Variants in SLC24A3 observed in about 807,000 individuals in gnomAD.
The protein encoded by SLC24A3 is sodium/potassium/calcium exchanger 3.
A neutral mutation model predicts 75.8 loss-of-function variants in SLC24A3; 28 were observed. That is an observed-to-expected ratio of 0.37 (90% CI 0.27 to 0.51). SLC24A3 has a LOEUF of 0.51. Ranked by LOEUF, SLC24A3 falls within the 20% of genes least tolerant of loss-of-function variation. The pLI is 0.94. For synonymous variants in SLC24A3, 372 were observed against 334.1 expected, an observed-to-expected ratio of 1.11 and a Z score of -1.24; for missense variants, 663 against 847.8, an observed-to-expected ratio of 0.78 and a Z score of 2.71.
intron 1 of SLC24A3, among the ~76,000 whole-genome samples, chr20:19,266,215 GAT>G (rs769390309): frequency 6.6e-5 from 10 of 152,276 alleles, no homozygotes; most frequent in Non-Finnish European, 1.2e-4. Context: ...ATCATACATA[GAT>G]AACTGCAATG....
chr20:19,468,673 G>T (rs6046115), intron 2 of SLC24A3, among the ~76,000 whole-genome samples: 81,662 of 151,974 alleles, frequency 0.54, 22,110 homozygotes, highest in Non-Finnish European at 0.56. Flanking sequence ...GGTGCCCGTT[G>T]GAGCTTCCAT....
chr20:19,401,873 T>C (rs930424573), intron 2 of SLC24A3, among the ~76,000 whole-genome samples: 3 of 152,232 alleles, frequency 2.0e-5, no homozygotes, highest in Admixed American at 6.5e-5. Context: ...ACTCGTGGGA[T>C]TGAGCTCCAG....
rs62200367 is a variant in SLC24A3 at position 19,346,126 on chromosome 20, A to G, written c.271+65039A>G. Among the ~76,000 whole-genome samples the G allele has an allele frequency of 2.8e-4, 28 of 98,926 alleles. 7 individuals carry two copies. The highest frequency in any genetic ancestry group is 9.6e-4 in the African/African-American group (25 of 25,970). The allele number at this position is 98,926 out of a possible 152,430, so 64.9% of individuals were successfully genotyped here. A position where few individuals can be genotyped will look rare whatever the true frequency, so the allele number is the denominator to read the frequency against. ...ATATATATGGTGTGTGTGTGTGTGT[A>G]TATATATATATGGTGTGTGTATATA... is the stretch of plus-strand genomic sequence containing the variant. On this transcript the variant is annotated intron_variant, in intron 2 of 16. Coordinates refer to ENST00000328041, the MANE Select transcript of SLC24A3 (RefSeq NM_020689.4).
chr20:19,583,798 C>T lies in SLC24A3; in HGVS notation c.424-1173C>T, dbSNP rs114753253. ...GGAGTGCTTGGGCACCCCTCACAGCCACACCTTGCAACTTTGCGCTATCTG... is the reference window on the plus strand; with the variant it reads ...GGAGTGCTTGGGCACCCCTCACAGCTACACCTTGCAACTTTGCGCTATCTG... On this transcript the variant is annotated intron_variant, in intron 4 of 16. Transcript: ENST00000328041. Among the ~76,000 whole-genome samples the T allele has an allele frequency of 2.3e-3, 345 of 152,280 alleles. 1 individual carries two copies. Among genetic ancestry groups the T allele is most frequent in the African/African-American group, 7.9e-3 (330 of 41,576 alleles).
chr20:19,461,583 A>T (rs1987676995), intron 2 of SLC24A3, among the ~76,000 whole-genome samples: 1 of 129,028 alleles, frequency 7.8e-6, no homozygotes, highest in Admixed American at 9.8e-5. Context: ...CCCAGGCTAG[A>T]GTGCAGTGGC....
At chr20:19,630,753 G>A (rs1314112319) in intron 6 of SLC24A3, among the ~76,000 whole-genome samples, 1 of 152,152 alleles carries the variant, frequency 6.6e-6, no homozygotes, top group African/African-American at 2.4e-5. Context: ...TTTTTAAAGT[G>A]TCTATACTGG....
At chr20:19,280,333 G>A (rs191390879) in intron 1 of SLC24A3, among the ~76,000 whole-genome samples, 23 of 152,226 alleles carry the variant, frequency 1.5e-4, no homozygotes, top group African/African-American at 4.8e-4. Flanking sequence ...TATGCTTTGG[G>A]GATGGCAAAT....
chr20:19,247,922 C>G (rs1431426403), intron 1 of SLC24A3, among the ~76,000 whole-genome samples: 3 of 152,184 alleles, frequency 2.0e-5, no homozygotes, highest in East Asian at 3.9e-4. Flanking sequence ...TTAATTTTCT[C>G]TCAGCCTCAG....
At chr20:19,273,100 T>C (rs1006709146) in intron 1 of SLC24A3, among the ~76,000 whole-genome samples, 1 of 152,230 alleles carries the variant, frequency 6.6e-6, no homozygotes, top group African/African-American at 2.4e-5. Context: ...TTTGGACTTC[T>C]GGCTCAGGGC....
chr20:19,550,428 A>G (rs908330606), intron 3 of SLC24A3, among the ~76,000 whole-genome samples: 3 of 152,334 alleles, frequency 2.0e-5, no homozygotes, highest in South Asian at 4.1e-4. Flanking sequence ...GGGAGACCCA[A>G]TGAGAGAGGC....
chr20:19,581,401 G>A, intron 4 of SLC24A3, among the ~76,000 whole-genome samples: 1 of 152,298 alleles, frequency 6.6e-6, no homozygotes, highest in South Asian at 2.1e-4. Context: ...GGAAATGTCA[G>A]TACAGTTGTC....
chr20:19,344,649 C>G (rs892645288), intron 2 of SLC24A3, among the ~76,000 whole-genome samples: 12 of 152,162 alleles, frequency 7.9e-5, no homozygotes, highest in Admixed American at 6.5e-5. Context: ...ACAGGCTTGT[C>G]TCCCAAAATA....
intron 1 of SLC24A3, among the ~76,000 whole-genome samples, chr20:19,255,919 A>AC (rs887511982): frequency 6.6e-6 from 1 of 151,998 alleles, no homozygotes; most frequent in Non-Finnish European, 1.5e-5. Flanking sequence ...ACATAGTGAG[A>AC]CCCCATCTCT....
chr20:19,377,391 T>C (rs1197937071), intron 2 of SLC24A3, among the ~76,000 whole-genome samples: 2 of 152,172 alleles, frequency 1.3e-5, no homozygotes, highest in Non-Finnish European at 2.9e-5. Flanking sequence ...AGTAGCATAA[T>C]AGCAGCATGA....
chr20:19,642,756 A>G (rs1441835777), intron 6 of SLC24A3, among the ~76,000 whole-genome samples: 1 of 152,196 alleles, frequency 6.6e-6, no homozygotes, highest in Non-Finnish European at 1.5e-5. Flanking sequence ...GTTTTTGACT[A>G]AAAAATATTC....
In SLC24A3 at chr20:19,522,006, C is replaced by T. The variant is rs537276305; in HGVS notation, c.348+6442C>T. Reference sequence around the variant, plus strand: ...CTCTCCATTTGTAGGCCATCAGTGTCTAGCAGACCTTCCCCAGCTGTCCAG... The same window carrying T: ...CTCTCCATTTGTAGGCCATCAGTGTTTAGCAGACCTTCCCCAGCTGTCCAG... On this transcript the variant is annotated intron_variant, in intron 3 of 16. Transcript: ENST00000328041. 3.3e-5 allele frequency among the ~76,000 whole-genome samples: 5 copies of T among 152,232 alleles called. No homozygotes were observed. In the South Asian group the frequency reaches 1.0e-3, roughly 32 times the overall value.
At chr20:19,520,016 C>T (rs2030070800) in intron 3 of SLC24A3, among the ~76,000 whole-genome samples, 1 of 152,190 alleles carries the variant, frequency 6.6e-6, no homozygotes, top group South Asian at 2.1e-4. Flanking sequence ...AGCTTTGAGC[C>T]TTGCTTTCCG....
At chr20:19,630,448 G>A (rs191691011) in intron 6 of SLC24A3, among the ~76,000 whole-genome samples, 8 of 152,248 alleles carry the variant, frequency 5.3e-5, no homozygotes, top group Admixed American at 3.3e-4. Flanking sequence ...TACTTACACT[G>A]ACCAGGTAAC....
chr20:19,258,688 T>G (rs948977962), intron 1 of SLC24A3, among the ~76,000 whole-genome samples: 1 of 151,600 alleles, frequency 6.6e-6, no homozygotes, highest in African/African-American at 2.4e-5. Flanking sequence ...GGTGACAGAG[T>G]GAGACTCTGT....
Sources: allele counts gnomAD v4.1 joint callset (sites outside exome capture counted in the v4.1 genomes callset), GRCh38; gene constraint gnomAD v4.1.1; transcripts MANE v1.5; gene names NCBI Gene and HGNC (gene_info 2026-07-23, HGNC 2026-07-21).